CDC42BPB: variants seen among roughly 807,000 people sequenced by gnomAD.
The protein encoded by CDC42BPB is CDC42 binding protein kinase beta.
A neutral mutation model predicts 214.9 loss-of-function variants in CDC42BPB; 37 were observed. The observed-to-expected ratio is 0.17, with a 90% CI of 0.13 to 0.23. The LOEUF (loss-of-function observed/expected upper bound fraction) is 0.23. Among genes scored for constraint, CDC42BPB ranks in the 10% least tolerant of loss-of-function variants. The pLI, the probability that CDC42BPB is intolerant of heterozygous loss-of-function variation, is 1.00. For missense variants in CDC42BPB, 1,694 were observed against 2,227.0 expected (o/e 0.76, Z 4.82); for synonymous variants, 931 against 884.0 (o/e 1.05, Z -0.94).
chr14:103,034,101 C>G (rs1887537417), intron 1 of CDC42BPB, among the ~76,000 whole-genome samples: 1 of 152,234 alleles, frequency 6.6e-6, no homozygotes, highest in African/African-American at 2.4e-5. Flanking sequence ...TTCAAAAAGT[C>G]TAAGATGGCG....
intron 12 of CDC42BPB, chr14:102,972,396 G>A: frequency 1.1e-6 from 1 of 915,628 alleles, no homozygotes; most frequent in Non-Finnish European, 1.3e-6. Flanking sequence ...CACCAAGAAA[G>A]GCCCCACAGG....
chr14:103,055,634 T>A (rs1288512510), intron 1 of CDC42BPB, among the ~76,000 whole-genome samples: 1 of 152,240 alleles, frequency 6.6e-6, no homozygotes, highest in African/African-American at 2.4e-5. Flanking sequence ...AGGCTGTCCT[T>A]GATCTCAGGA....
intron 30 of CDC42BPB, among the ~76,000 whole-genome samples, chr14:102,942,294 G>A (rs1466516859): frequency 6.6e-6 from 1 of 152,210 alleles, no homozygotes; most frequent in African/African-American, 2.4e-5. Flanking sequence ...AAGCCCGTGG[G>A]TGGAGCTGGC....
intron 1 of CDC42BPB, among the ~76,000 whole-genome samples, chr14:103,043,658 G>A (rs1054306191): frequency 6.6e-6 from 1 of 151,406 alleles, no homozygotes; most frequent in Non-Finnish European, 1.5e-5. Flanking sequence ...TGCATGACTT[G>A]AATCTCGATA....
At chr14:102,957,748 T>C (rs2269320) in intron 21 of CDC42BPB, among the ~76,000 whole-genome samples, 144,222 of 152,284 alleles carry the variant, frequency 0.95, 68,490 homozygotes, top group Middle Eastern at 0.99. Flanking sequence ...ATGCTAAGAG[T>C]CCACCCCAAG....
At chr14:102,995,069 T>C (rs1178680160) in intron 5 of CDC42BPB, among the ~76,000 whole-genome samples, 1 of 152,268 alleles carries the variant, frequency 6.6e-6, no homozygotes, top group African/African-American at 2.4e-5. Context: ...TTTCCAAGAC[T>C]TTTTGTTTTC....
Position 102,968,568 on chromosome 14 carries a change from A to ACCC in CDC42BPB, c.2143_2144insGGG (p.Asn714_Val715insGly). On this transcript the variant is annotated inframe_insertion, in exon 15 of 37. Coordinates refer to ENST00000361246, the MANE Select transcript of CDC42BPB (RefSeq NM_006035.4). ...TTCTGAATCATGCACCTCCTTCTTC[A>ACCC]CATTTTTCACTTCTAGCACATGGGA... 2 of 1,614,102 alleles carry ACCC rather than the reference A, an allele frequency of 1.2e-6. No homozygotes were observed. Among genetic ancestry groups the ACCC allele is most frequent in the Non-Finnish European group, 1.7e-6 (2 of 1,180,020 alleles).
chr14:102,997,657 G>A (rs74667857), intron 5 of CDC42BPB, among the ~76,000 whole-genome samples: 8,011 of 152,216 alleles, frequency 0.053, 214 homozygotes, highest in Middle Eastern at 0.075. Context: ...ACAATATCTG[G>A]GGACAAATTA....
Position 102,975,873 on chromosome 14 carries a change from C to T in CDC42BPB, c.1387+10G>A. 3 of 1,614,106 alleles carry T rather than the reference C, an allele frequency of 1.9e-6. 1 individual carries two copies. The Admixed American group carries it at 5.0e-5, about 27-fold the overall frequency. ...CCCCCGCCTGGCCCCGGAGCCGGCG[C>T]TGCCCTCACCTTGCAGCTTCCTGCT... On this transcript the variant is annotated intron_variant, in intron 10 of 36. Transcript: ENST00000361246.
chr14:102,965,108 A>G (rs886883607), intron 18 of CDC42BPB, among the ~76,000 whole-genome samples: 4 of 151,756 alleles, frequency 2.6e-5, no homozygotes, highest in Non-Finnish European at 5.9e-5. Flanking sequence ...TAATTTTTGT[A>G]TTTTTAGTAG....
In CDC42BPB at chr14:103,003,945, GA is replaced by G; in HGVS notation, c.429del (p.Gln144ArgfsTer8). The G allele has an allele frequency of 6.2e-7, 1 of 1,610,358 alleles. No individual in the cohort carries two copies. Among genetic ancestry groups the G allele is most frequent in the Non-Finnish European group, 8.5e-7 (1 of 1,177,614 alleles). ...CQWITALHYA[F>X]QDENHLYLVM... ...CGACCTACCAGGTGGTTCTCGTCCT[GA>G]AAGGCGTAGTGCAGCGCGGTGATCC... On this transcript the variant is annotated frameshift_variant, in exon 4 of 37. Coordinates refer to ENST00000361246, the MANE Select transcript of CDC42BPB (RefSeq NM_006035.4). LOFTEE classifies it high-confidence loss of function.
chr14:102,995,372 A>G (rs1336821231), intron 5 of CDC42BPB, among the ~76,000 whole-genome samples: 1 of 152,180 alleles, frequency 6.6e-6, no homozygotes, highest in Non-Finnish European at 1.5e-5. Flanking sequence ...GACAGGTTTT[A>G]CCATGTTGGC....
intron 18 of CDC42BPB, chr14:102,964,923 TTTTC>T (rs1202223139): frequency 4.6e-5 from 17 of 369,218 alleles, no homozygotes; most frequent in Non-Finnish European, 5.6e-5. Context: ...TTTTCTTTTC[TTTTC>T]TTTTTTTTTT....
chr14:102,987,930 C>T (rs184554211), intron 5 of CDC42BPB, among the ~76,000 whole-genome samples: 29 of 151,606 alleles, frequency 1.9e-4, no homozygotes, highest in Admixed American at 3.3e-4. Context: ...GCTGTGATTG[C>T]GCCACTGCAC....
intron 1 of CDC42BPB, among the ~76,000 whole-genome samples, chr14:103,031,973 CTATTAT>C (rs199702937): frequency 2.0e-5 from 3 of 150,834 alleles, no homozygotes; most frequent in Admixed American, 6.6e-5. Flanking sequence ...GACCTGCCTT[CTATTAT>C]TATTATTATT....
intron 1 of CDC42BPB, among the ~76,000 whole-genome samples, chr14:103,038,702 T>G (rs1489158865): frequency 9.7e-6 from 1 of 102,646 alleles, no homozygotes; most frequent in East Asian, 3.3e-4. Context: ...AATTTTTCTA[T>G]TTTTTGTAGA....
At chr14:103,048,010 C>T (rs1888391334) in intron 1 of CDC42BPB, among the ~76,000 whole-genome samples, 1 of 151,860 alleles carries the variant, frequency 6.6e-6, no homozygotes, top group East Asian at 1.9e-4. Flanking sequence ...ATGAAAGACA[C>T]AGAATCCAGA....
At chr14:102,967,468 T>A in intron 16 of CDC42BPB, 2 of 526,792 alleles carry the variant, frequency 3.8e-6, no homozygotes, top group Non-Finnish European at 4.9e-6. Context: ...ATTCAAAAAT[T>A]AAAACAGTCA....
Position 102,940,212 on chromosome 14 carries a change from C to T in CDC42BPB, c.4506+15G>A, listed in dbSNP as rs1433325314. 10 of 1,607,682 alleles carry T rather than the reference C, an allele frequency of 6.2e-6. No individual in the cohort carries two copies. The Admixed American group carries it at 1.4e-4, about 22-fold the overall frequency. On this transcript the variant is annotated intron_variant, in intron 31 of 36. Coordinates refer to ENST00000361246, the MANE Select transcript of CDC42BPB (RefSeq NM_006035.4). Reference sequence around the variant, plus strand: ...AGAAGCCCGCCCGCACAGGAGGGCACCGAGGCCGCCTTACCCTCCGCAGGC... The same window carrying T: ...AGAAGCCCGCCCGCACAGGAGGGCATCGAGGCCGCCTTACCCTCCGCAGGC...
Sources: gnomAD v4.1 joint callset for allele counts (sites outside exome capture counted in the v4.1 genomes callset) on GRCh38, gnomAD v4.1.1 for gene constraint, MANE v1.5 for transcripts, NCBI Gene and HGNC (gene_info 2026-07-23, HGNC 2026-07-21) for gene names.